The following PSD3 variants were observed in gnomAD, a reference collection of about 807,000 sequenced individuals.
PSD3 encodes PH and SEC7 domain-containing protein 3.
Under a neutral mutation model 105.5 loss-of-function variants are expected in PSD3, and 49 were observed. That is an observed-to-expected ratio of 0.46 (90% CI 0.37 to 0.59). The LOEUF (loss-of-function observed/expected upper bound fraction) is 0.59. Among genes scored for constraint, PSD3 ranks in the 20% least tolerant of loss-of-function variants. The pLI is 0.00. For missense variants in PSD3, 1,561 were observed against 1,263.8 expected (o/e 1.24, Z -3.57); for synonymous variants, 557 against 457.8 (o/e 1.22, Z -2.77).
chr8:18,727,095 T>A (rs1803378557), intron 9 of PSD3, among the ~76,000 whole-genome samples: 1 of 151,980 alleles, frequency 6.6e-6, no homozygotes, highest in African/African-American at 2.4e-5. Context: ...CCCAGAACTT[T>A]GGGAGGCCGA....
intron 9 of PSD3, among the ~76,000 whole-genome samples, chr8:18,716,216 G>A (rs1184751242): frequency 2.6e-5 from 4 of 152,142 alleles, no homozygotes; most frequent in African/African-American, 4.8e-5. Flanking sequence ...GAATGTCTAC[G>A]AAACACGCCC....
intron 1 of PSD3, among the ~76,000 whole-genome samples, chr8:19,031,906 A>G (rs1827785166): frequency 6.6e-6 from 1 of 152,226 alleles, no homozygotes; most frequent in Non-Finnish European, 1.5e-5. Context: ...TTCCTGATAC[A>G]GTTGTTTGGA....
chr8:18,750,826 C>T (rs999627458), intron 9 of PSD3, among the ~76,000 whole-genome samples: 7 of 152,104 alleles, frequency 4.6e-5, no homozygotes, highest in African/African-American at 1.4e-4. Flanking sequence ...TCGATTGGTG[C>T]ACTCACAAAC....
intron 1 of PSD3, among the ~76,000 whole-genome samples, chr8:19,023,834 G>A (rs888730655): frequency 2.6e-5 from 4 of 152,128 alleles, no homozygotes; most frequent in Admixed American, 2.6e-4. Context: ...GGATACACCG[G>A]ATAAACGACA....
chr8:18,776,372 G>A (rs112738876), intron 8 of PSD3, among the ~76,000 whole-genome samples: 15,156 of 145,900 alleles, frequency 0.1, 1,603 homozygotes, highest in East Asian at 0.49. Context: ...CTAAATATAT[G>A]TATATATATA....
chr8:19,032,375 G>A (rs1426888725), intron 1 of PSD3, among the ~76,000 whole-genome samples: 1 of 152,050 alleles, frequency 6.6e-6, no homozygotes, highest in Admixed American at 6.6e-5. Flanking sequence ...GGGTGTGGTG[G>A]CTCACTCCTG....
chr8:18,960,495 C>T (rs748681763), intron 1 of PSD3, among the ~76,000 whole-genome samples: 13 of 152,090 alleles, frequency 8.5e-5, no homozygotes, highest in Admixed American at 5.9e-4. Context: ...CAACAAAAAA[C>T]TGAATAAAAA....
At chr8:18,697,858 A>T (rs1801345316) in intron 9 of PSD3, among the ~76,000 whole-genome samples, 1 of 152,226 alleles carries the variant, frequency 6.6e-6, no homozygotes, top group Non-Finnish European at 1.5e-5. Context: ...AAGCAAACAA[A>T]AATCCATTTC....
intron 1 of PSD3, among the ~76,000 whole-genome samples, chr8:18,993,146 T>A (rs1193889259): frequency 2.0e-5 from 3 of 152,210 alleles, no homozygotes; most frequent in African/African-American, 7.2e-5. Context: ...ATGTCTTTTC[T>A]GTAGTCCTCA....
At chr8:18,541,458 A>C (rs1800146027) in intron 15 of PSD3, among the ~76,000 whole-genome samples, 2 of 152,210 alleles carry the variant, frequency 1.3e-5, no homozygotes, top group Admixed American at 1.3e-4. Flanking sequence ...CTCTGGGAAC[A>C]CACCTTTATC....
At chr8:18,974,396 A>G (rs1824814866) in intron 1 of PSD3, among the ~76,000 whole-genome samples, 1 of 13,622 alleles carries the variant, frequency 7.3e-5, no homozygotes, top group African/African-American at 3.4e-4. Flanking sequence ...AGACTTCAAA[A>G]TCCTCTGAAA....
chr8:18,798,602 A>G (rs1810396071), intron 8 of PSD3, among the ~76,000 whole-genome samples: 1 of 152,180 alleles, frequency 6.6e-6, no homozygotes, highest in South Asian at 2.1e-4. Context: ...TACTCTACAC[A>G]GACACCTGAT....
intron 4 of PSD3, among the ~76,000 whole-genome samples, chr8:18,814,321 C>T (rs562549121): frequency 1.1e-3 from 166 of 152,280 alleles, no homozygotes; most frequent in Middle Eastern, 6.8e-3. Context: ...CAGAAGAGGG[C>T]ACCCACATGC....
chr8:18,712,480 T>C (rs908912003), intron 9 of PSD3, among the ~76,000 whole-genome samples: 1 of 152,136 alleles, frequency 6.6e-6, no homozygotes, highest in African/African-American at 2.4e-5. Context: ...CATCAGAGAA[T>C]ACCATAAACA....
At chr8:18,975,124 G>C (rs1034564748) in intron 1 of PSD3, among the ~76,000 whole-genome samples, 1 of 152,134 alleles carries the variant, frequency 6.6e-6, no homozygotes, top group Non-Finnish European at 1.5e-5. Flanking sequence ...TTTCAAAAGG[G>C]ACAAGGGTTG....
chr8:18,932,139 T>TATA (rs1337157348), intron 2 of PSD3, among the ~76,000 whole-genome samples: 1 of 152,232 alleles, frequency 6.6e-6, no homozygotes, highest in Non-Finnish European at 1.5e-5. Context: ...CCCTGAGCTG[T>TATA]GTATTTACAA....
intron 4 of PSD3, among the ~76,000 whole-genome samples, chr8:18,855,311 T>C (rs539161183): frequency 1.3e-5 from 2 of 152,300 alleles, no homozygotes; most frequent in East Asian, 3.9e-4. Flanking sequence ...TTCCTAAATA[T>C]ATACCCAGAC....
rs911901557 is a variant in PSD3 at position 18,660,347 on chromosome 8, G to A, written c.2173-4662C>T. Among the ~76,000 whole-genome samples the A allele has an allele frequency of 2.0e-5, 3 of 152,228 alleles. No individual in the cohort carries two copies. In the East Asian group the frequency reaches 5.8e-4, roughly 29 times the overall value. On this transcript the variant is annotated intron_variant, in intron 9 of 15. Transcript: ENST00000327040. ...AACCCTCCAGAGGGTAAAAAGCCCT[G>A]TTGACCTCTTGATTTCAGACCTCTG...
chr8:19,011,827 T>C (rs1442705287), intron 1 of PSD3, among the ~76,000 whole-genome samples: 3 of 151,992 alleles, frequency 2.0e-5, no homozygotes, highest in African/African-American at 7.2e-5. Context: ...ATAAGGTTAT[T>C]TTAGCTTTGT....
Sources: gnomAD v4.1 joint callset for allele counts (sites outside exome capture counted in the v4.1 genomes callset) on GRCh38, gnomAD v4.1.1 for gene constraint, MANE v1.5 for transcripts, NCBI Gene and HGNC (gene_info 2026-07-23, HGNC 2026-07-21) for gene names.